The following FOXJ3 variants were observed in gnomAD, a reference collection of about 807,000 sequenced individuals.
FOXJ3 encodes the protein forkhead box protein J3.
FOXJ3 carries 22 observed loss-of-function variants against 76.1 expected under a neutral mutation model. The ratio of observed to expected loss-of-function variants is 0.29; its 90% CI spans 0.21 to 0.41. FOXJ3 has a LOEUF of 0.41. Ranked by LOEUF, FOXJ3 falls within the 10% of genes least tolerant of loss-of-function variation. The pLI is 1.00. For missense variants in FOXJ3, 613 were observed against 762.1 expected, an observed-to-expected ratio of 0.80 and a Z score of 2.30; for synonymous variants, 269 against 261.2, an observed-to-expected ratio of 1.03 and a Z score of -0.29.
At chr1:42,242,057 C>G (rs1009219813) in intron 4 of FOXJ3, among the ~76,000 whole-genome samples, 1 of 152,030 alleles carries the variant, frequency 6.6e-6, no homozygotes, top group African/African-American at 2.4e-5. Flanking sequence ...CTACATACAC[C>G]CAGAATCAAA....
rs79353252 is a variant in FOXJ3, at chr1:42,245,982, C to G, written c.445-18016G>C. Among the ~76,000 whole-genome samples the G allele has an allele frequency of 7.1e-3, 1,085 of 152,194 alleles. 22 individuals carry two copies. Among genetic ancestry groups the G allele is most frequent in the African/African-American group, 0.025 (1,047 of 41,508 alleles). On this transcript the variant is annotated intron_variant, in intron 4 of 12. Coordinates refer to ENST00000361346, the MANE Select transcript of FOXJ3 (RefSeq NM_014947.5). ...AATGTCCATAGGCAGAAGAATGCTC[C>G]TATATCTCACCATAAACAAAATTCA...
At chr1:42,285,320 T>C (rs1652982132) in intron 2 of FOXJ3, among the ~76,000 whole-genome samples, 1 of 151,598 alleles carries the variant, frequency 6.6e-6, no homozygotes, top group Non-Finnish European at 1.5e-5. Context: ...CTGAGAAAGA[T>C]GCACAGGCTT....
At chr1:42,182,103 T>C (rs999827202) in intron 11 of FOXJ3, 79 bp from the exon 12 acceptor site, 10 of 749,538 alleles carry the variant, frequency 1.3e-5, no homozygotes, top group Non-Finnish European at 2.2e-5. Flanking sequence ...CTTAACAGAA[T>C]TGTTACTCTG....
At chr1:42,193,474 G>A (rs1646589707) in intron 8 of FOXJ3, among the ~76,000 whole-genome samples, 1 of 150,622 alleles carries the variant, frequency 6.6e-6, no homozygotes, top group Non-Finnish European at 1.5e-5. Flanking sequence ...TTATTTCAAA[G>A]CCCTTATTTT....
chr1:42,285,611 A>G (rs1570157507), intron 2 of FOXJ3, among the ~76,000 whole-genome samples: 1 of 152,224 alleles, frequency 6.6e-6, no homozygotes, highest in South Asian at 2.1e-4. Context: ...CATTTCCCAG[A>G]AACGGCATCT....
chr1:42,236,589 T>C (rs1386420743), intron 4 of FOXJ3, among the ~76,000 whole-genome samples: 1 of 152,238 alleles, frequency 6.6e-6, no homozygotes, highest in Admixed American at 6.5e-5. Flanking sequence ...TTTTGACAAC[T>C]GTATACCTTC....
chr1:42,196,771 G>A (rs7519358), intron 7 of FOXJ3, among the ~76,000 whole-genome samples: 3,130 of 152,218 alleles, frequency 0.021, 109 homozygotes, highest in African/African-American at 0.071. Flanking sequence ...TTGGCACAAC[G>A]AACATGTTAG....
chr1:42,270,423 T>C (rs1651783355), intron 3 of FOXJ3, among the ~76,000 whole-genome samples: 1 of 152,172 alleles, frequency 6.6e-6, no homozygotes, highest in Non-Finnish European at 1.5e-5. Flanking sequence ...ATACAATGTT[T>C]TTCAAAGGGT....
At chr1:42,323,676 T>C in intron 1 of FOXJ3, 2 of 981,910 alleles carry the variant, frequency 2.0e-6, no homozygotes. Context: ...ACTATGCCTC[T>C]TAATTACCTT....
chr1:42,246,796 T>C (rs1649590627), intron 4 of FOXJ3, among the ~76,000 whole-genome samples: 1 of 152,144 alleles, frequency 6.6e-6, no homozygotes, highest in South Asian at 2.1e-4. Flanking sequence ...AAACTGAATA[T>C]CCATCAATGG....
Position 42,232,829 on chromosome 1 carries a change from T to C in FOXJ3, c.445-4863A>G, listed in dbSNP as rs547529718. On this transcript the variant is annotated intron_variant, in intron 4 of 12. Coordinates refer to ENST00000361346, the MANE Select transcript of FOXJ3 (RefSeq NM_014947.5). ...TCCCATTTGTCAATTTTGGCTTTTGTTGTCATTGCTTTTGGTGTTTTAGAC... is the reference window on the plus strand; with the variant it reads ...TCCCATTTGTCAATTTTGGCTTTTGCTGTCATTGCTTTTGGTGTTTTAGAC... Among the ~76,000 whole-genome samples the C allele has an allele frequency of 4.6e-5, 7 of 152,366 alleles. No homozygotes were observed. In the East Asian group the frequency reaches 9.6e-4, roughly 21 times the overall value.
chr1:42,267,540 T>TTC (rs1427334970), intron 3 of FOXJ3, among the ~76,000 whole-genome samples: 1 of 152,050 alleles, frequency 6.6e-6, no homozygotes, highest in African/African-American at 2.4e-5. Flanking sequence ...TCTACCATTC[T>TTC]TCTACACAGA....
intron 2 of FOXJ3, among the ~76,000 whole-genome samples, chr1:42,286,577 G>A (rs1159114083): frequency 3.3e-5 from 5 of 152,132 alleles, no homozygotes; most frequent in Non-Finnish European, 7.4e-5. Context: ...CATAGTAACT[G>A]CTCATATTGT....
At chr1:42,204,167 T>G (rs1646816781) in intron 6 of FOXJ3, among the ~76,000 whole-genome samples, 3 of 151,992 alleles carry the variant, frequency 2.0e-5, no homozygotes, top group Admixed American at 2.0e-4. Flanking sequence ...AATCGGGAAA[T>G]GCACCAAAGG....
intron 2 of FOXJ3, among the ~76,000 whole-genome samples, chr1:42,307,540 T>C (rs1654542642): frequency 6.6e-6 from 1 of 152,218 alleles, no homozygotes. Context: ...TAAAGTATTA[T>C]CTCTGTTCAA....
intron 4 of FOXJ3, among the ~76,000 whole-genome samples, chr1:42,250,576 G>C (rs1204419184): frequency 6.6e-6 from 1 of 152,090 alleles, no homozygotes; most frequent in Non-Finnish European, 1.5e-5. Context: ...CGGGCACGTG[G>C]GAGGCTGAGG....
At chr1:42,295,802 C>T (rs1231283987) in intron 2 of FOXJ3, among the ~76,000 whole-genome samples, 1 of 152,134 alleles carries the variant, frequency 6.6e-6, no homozygotes, top group East Asian at 1.9e-4. Context: ...GCTGGAATTA[C>T]AGGCATGACC....
chr1:42,189,505 T>C (rs1646500617), intron 9 of FOXJ3, 101 bp from the exon 10 acceptor site: 2 of 780,088 alleles, frequency 2.6e-6, no homozygotes, highest in Non-Finnish European at 4.3e-6. Context: ...TGGCTGATTC[T>C]TGTCCCGTCT....
In FOXJ3 at chr1:42,205,735, CAAT is replaced by C. The variant is rs773986386; in HGVS notation, c.630+24_630+26del. ...TTAAATGTACTACTCAATGACATTT[CAAT>C]AATGTTTAAAAAAATGAAATTACTT... On this transcript the variant is annotated intron_variant, in intron 6 of 12. Coordinates refer to ENST00000361346, the MANE Select transcript of FOXJ3 (RefSeq NM_014947.5). The C allele has an allele frequency of 8.0e-6, 10 of 1,243,458 alleles. No homozygotes were observed. In the East Asian group the frequency reaches 2.1e-4, roughly 26 times the overall value. The allele number at this position is 1,243,458 out of a possible 1,614,324, so 77.0% of individuals were successfully genotyped here. A position where few individuals can be genotyped will look rare whatever the true frequency, so the allele number is the denominator to read the frequency against.
Sources: allele counts gnomAD v4.1 joint callset (sites outside exome capture counted in the v4.1 genomes callset), GRCh38; gene constraint gnomAD v4.1.1; transcripts MANE v1.5; gene names NCBI Gene and HGNC (gene_info 2026-07-23, HGNC 2026-07-21).